Variants in NR2F1-AS1 observed in about 807,000 individuals in gnomAD.
NR2F1-AS1 encodes the protein NR2F1 regulatory antisense RNA 1, also known as NR2F1 antisense RNA 1.
At chr5:93,570,203 C>T (rs1291469249) in intron 1 of NR2F1-AS1, 1 of 152,272 alleles carries the variant, frequency 6.6e-6, no homozygotes, top group Non-Finnish European at 1.5e-5. Context: ...CAAAAGGAAA[C>T]TCCCACTGAC....
intron 4 of NR2F1-AS1, among the ~76,000 whole-genome samples, chr5:93,420,813 A>G (rs1045830746): frequency 6.6e-6 from 1 of 152,222 alleles, no homozygotes; most frequent in African/African-American, 2.4e-5. Context: ...AACAAAAAAT[A>G]AACTTGCAGA....
At chr5:93,540,848 T>C (rs1230544496) in intron 4 of NR2F1-AS1, among the ~76,000 whole-genome samples, 1 of 152,168 alleles carries the variant, frequency 6.6e-6, no homozygotes, top group Non-Finnish European at 1.5e-5. Context: ...AGAAAAAGCA[T>C]GGGAACACCA....
intron 4 of NR2F1-AS1, among the ~76,000 whole-genome samples, chr5:93,492,986 T>A (rs956883268): frequency 6.6e-6 from 1 of 152,124 alleles, no homozygotes; most frequent in Non-Finnish European, 1.5e-5. Flanking sequence ...GAAGAAAACA[T>A]GATGCCTGCT....
intron 4 of NR2F1-AS1, among the ~76,000 whole-genome samples, chr5:93,440,174 T>C (rs1346487240): frequency 6.6e-6 from 1 of 151,908 alleles, no homozygotes; most frequent in Admixed American, 6.6e-5. Context: ...CCTCTTTCTC[T>C]CGCTCGCTCT....
chr5:93,484,584 C>A (rs1403879958), intron 4 of NR2F1-AS1, among the ~76,000 whole-genome samples: 1 of 152,076 alleles, frequency 6.6e-6, no homozygotes, highest in Non-Finnish European at 1.5e-5. Context: ...ACGACAGGGT[C>A]AAATTCACAC....
intron 4 of NR2F1-AS1, among the ~76,000 whole-genome samples, chr5:93,474,403 A>G (rs1750436559): frequency 6.6e-6 from 1 of 152,232 alleles, no homozygotes; most frequent in African/African-American, 2.4e-5. Context: ...TTGAAGTTAC[A>G]TCTTTCAGCA....
At chr5:93,584,157 G>A (rs1753179507), upstream of NR2F1-AS1, 1 of 149,338 alleles carries the variant, frequency 6.7e-6, no homozygotes, top group East Asian at 2.0e-4. Context: ...CTCCCGCCGG[G>A]ACAGCGGCGG....
At chr5:93,571,241 T>G (rs1460115559) in intron 1 of NR2F1-AS1, 2 of 151,556 alleles carry the variant, frequency 1.3e-5, no homozygotes, top group Non-Finnish European at 2.9e-5. Context: ...CAGGTCACGA[T>G]TCCATTCGGG....
intron 4 of NR2F1-AS1, among the ~76,000 whole-genome samples, chr5:93,505,209 T>C (rs1322156359): frequency 6.6e-6 from 1 of 152,178 alleles, no homozygotes; most frequent in African/African-American, 2.4e-5. Context: ...AGGTCTCACA[T>C]TCAGGTCATG....
intron 4 of NR2F1-AS1, among the ~76,000 whole-genome samples, chr5:93,414,907 G>T (rs559814472): frequency 6.6e-6 from 1 of 151,852 alleles, no homozygotes; most frequent in Non-Finnish European, 1.5e-5. Flanking sequence ...ATAAACTGTT[G>T]CAGTTAAAAA....
chr5:93,413,820 G>A (rs1748912406), intron 4 of NR2F1-AS1, among the ~76,000 whole-genome samples: 1 of 152,182 alleles, frequency 6.6e-6, no homozygotes, highest in Non-Finnish European at 1.5e-5. Flanking sequence ...CTGGGTCAGT[G>A]TTATTTATGA....
intron 4 of NR2F1-AS1, among the ~76,000 whole-genome samples, chr5:93,501,240 C>T (rs545997254): frequency 7.4e-5 from 11 of 148,362 alleles, no homozygotes; most frequent in Non-Finnish European, 1.5e-4. Context: ...TGTAATCTTA[C>T]GATAAAACTT....
At chr5:93,442,073 G>C (rs1265674292) in intron 4 of NR2F1-AS1, among the ~76,000 whole-genome samples, 1 of 152,130 alleles carries the variant, frequency 6.6e-6, no homozygotes, top group African/African-American at 2.4e-5. Context: ...TTGCTAGCTG[G>C]GGGTTCCAAG....
chr5:93,414,289 C>T (rs1561424006), intron 4 of NR2F1-AS1, among the ~76,000 whole-genome samples: 3 of 152,132 alleles, frequency 2.0e-5, no homozygotes, highest in African/African-American at 4.8e-5. Flanking sequence ...GCCCCTAATA[C>T]CCACTGTCCA....
At chr5:93,457,418 G>A (rs1042685981) in intron 4 of NR2F1-AS1, among the ~76,000 whole-genome samples, 24 of 152,312 alleles carry the variant, frequency 1.6e-4, no homozygotes, top group Admixed American at 1.3e-3. Flanking sequence ...AGTCGTCACA[G>A]CACGTGTTTC....
intron 4 of NR2F1-AS1, among the ~76,000 whole-genome samples, chr5:93,455,365 G>C (rs949858643): frequency 6.6e-6 from 1 of 152,180 alleles, no homozygotes; most frequent in Admixed American, 6.5e-5. Flanking sequence ...AGTTAAAGAT[G>C]TGTGTTTTAA....
intron 4 of NR2F1-AS1, among the ~76,000 whole-genome samples, chr5:93,462,371 T>C (rs555528825): frequency 7.2e-4 from 110 of 152,330 alleles, no homozygotes; most frequent in Admixed American, 1.7e-3. Context: ...CCCTCCACCA[T>C]GATTGTGAGG....
chr5:93,440,980 T>C (rs571438376), intron 4 of NR2F1-AS1, among the ~76,000 whole-genome samples: 1 of 152,348 alleles, frequency 6.6e-6, no homozygotes, highest in South Asian at 2.1e-4. Flanking sequence ...ACTTCCAAAA[T>C]ACAAATACTA....
chr5:93,520,790 T>A (rs192199660), intron 4 of NR2F1-AS1, among the ~76,000 whole-genome samples: 1 of 152,154 alleles, frequency 6.6e-6, no homozygotes, highest in Non-Finnish European at 1.5e-5. Flanking sequence ...TCTGTGACCA[T>A]ATAAAATACA....
Sources: gnomAD v4.1 joint callset for allele counts (sites outside exome capture counted in the v4.1 genomes callset) on GRCh38, gnomAD v4.1.1 for gene constraint, MANE v1.5 for transcripts, NCBI Gene and HGNC (gene_info 2026-07-23, HGNC 2026-07-21) for gene names.